The following TENM3 variants were observed in gnomAD, a reference collection of about 807,000 sequenced individuals.
TENM3 encodes teneurin-3.
Under a neutral mutation model 255.1 loss-of-function variants are expected in TENM3, and 63 were observed. The ratio of observed to expected loss-of-function variants is 0.25; its 90% CI spans 0.20 to 0.30. The LOEUF is 0.30. TENM3 is among the 10% of genes least tolerant of loss of function. TENM3 has a pLI of 1.00. For missense variants in TENM3, 2,929 were observed against 3,461.1 expected (o/e 0.85, Z 3.86); for synonymous variants, 1,306 against 1,322.3 (o/e 0.99, Z 0.27).
chr4:182,267,334 G>T (rs1051235049), intron 1 of TENM3, among the ~76,000 whole-genome samples: 2 of 152,122 alleles, frequency 1.3e-5, no homozygotes, highest in Non-Finnish European at 2.9e-5. Flanking sequence ...ATAATTATTT[G>T]CATAGGTACA....
intron 3 of TENM3, among the ~76,000 whole-genome samples, chr4:182,463,838 G>C (rs1462807075): frequency 6.6e-6 from 1 of 151,974 alleles, no homozygotes; most frequent in East Asian, 1.9e-4. Context: ...GGTCAGGCTG[G>C]TCTCGAACTC....
rs1768799051 is a variant in TENM3 at position 182,396,231 on chromosome 4, C to A, written c.511+49302C>A. On this transcript the variant is annotated intron_variant, in intron 3 of 27. Coordinates refer to ENST00000511685, the MANE Select transcript of TENM3 (RefSeq NM_001080477.4). ...CATTCATCTCTGGCTTCCTTCCAGG[C>A]TGCCCCTGTCTTTCTGGATGAGGCT... Among the ~76,000 whole-genome samples, 3 of 152,318 alleles carry A rather than the reference C, an allele frequency of 2.0e-5. No individual in the cohort carries two copies. The South Asian group carries it at 6.2e-4, about 32-fold the overall frequency.
chr4:182,538,304 A>G (rs1740537400), intron 3 of TENM3, among the ~76,000 whole-genome samples: 1 of 152,190 alleles, frequency 6.6e-6, no homozygotes, highest in Admixed American at 6.5e-5. Flanking sequence ...GGAGTTTACA[A>G]GCTAACAAGG....
At chr4:181,449,621 T>C in the TENM3 span, among the ~76,000 whole-genome samples, 1 of 151,952 alleles carries the variant, frequency 6.6e-6, no homozygotes, top group Non-Finnish European at 1.5e-5. Flanking sequence ...CCATCTCTAC[T>C]AAAAATACAA....
intron 1 of TENM3, among the ~76,000 whole-genome samples, chr4:182,183,342 T>C (rs1180800672): frequency 1.3e-5 from 2 of 152,148 alleles, no homozygotes; most frequent in African/African-American, 4.8e-5. Flanking sequence ...TAGAAGATGT[T>C]CCACTGTTTA....
chr4:182,053,883 CAACT>C, the TENM3 span, among the ~76,000 whole-genome samples: 1 of 152,112 alleles, frequency 6.6e-6, no homozygotes, highest in South Asian at 2.1e-4. Context: ...ACAGCTCAAC[CAACT>C]CTCTCTGGGG....
At chr4:182,367,724 A>C (rs1766526636) in intron 3 of TENM3, among the ~76,000 whole-genome samples, 1 of 152,216 alleles carries the variant, frequency 6.6e-6, no homozygotes, top group East Asian at 1.9e-4. Flanking sequence ...GTCATATTGC[A>C]GGAGAGTTGA....
At chr4:182,525,738 TGCCTCTTTGTCAGTTAACA>T (rs1443718438) in intron 3 of TENM3, among the ~76,000 whole-genome samples, 3 of 152,186 alleles carry the variant, frequency 2.0e-5, no homozygotes, top group Admixed American at 6.5e-5. Context: ...TCAAATTACT[TGCCTCTTTGTCAGTTAACA>T]GCATTGTTTG....
At chr4:182,437,184 C>T (rs1373462474) in intron 3 of TENM3, among the ~76,000 whole-genome samples, 3 of 152,146 alleles carry the variant, frequency 2.0e-5, no homozygotes, top group Non-Finnish European at 4.4e-5. Context: ...TTCTCTAAAT[C>T]GTATATGCAT....
the TENM3 span, among the ~76,000 whole-genome samples, chr4:181,844,484 C>T: frequency 1.3e-5 from 2 of 151,932 alleles, no homozygotes; most frequent in South Asian, 4.2e-4. Flanking sequence ...TTGGCTAACA[C>T]GGTGAAACCC....
At chr4:181,900,480 G>C in the TENM3 span, among the ~76,000 whole-genome samples, 1 of 152,020 alleles carries the variant, frequency 6.6e-6, no homozygotes, top group African/African-American at 2.4e-5. Flanking sequence ...GTTCCAATAC[G>C]TATATTTGTT....
chr4:182,774,895 G>C (rs1313186694), intron 23 of TENM3, 23 bp from the exon 24 acceptor site: 2 of 1,545,478 alleles, frequency 1.3e-6, no homozygotes, highest in Non-Finnish European at 8.9e-7. Context: ...AATAGTTCAT[G>C]TTTTGTGCTT....
chr4:181,689,852 C>G, the TENM3 span, among the ~76,000 whole-genome samples: 1 of 152,044 alleles, frequency 6.6e-6, no homozygotes, highest in Non-Finnish European at 1.5e-5. Context: ...CGGATACATC[C>G]CCCTACCACA....
At chr4:182,289,967 C>T (rs1427504823) in intron 1 of TENM3, among the ~76,000 whole-genome samples, 1 of 152,156 alleles carries the variant, frequency 6.6e-6, no homozygotes, top group Non-Finnish European at 1.5e-5. Flanking sequence ...CCTCATTCCT[C>T]TGTCTGGGAC....
chr4:181,861,643 A>G, the TENM3 span, among the ~76,000 whole-genome samples: 10 of 152,162 alleles, frequency 6.6e-5, no homozygotes, highest in South Asian at 4.1e-4. Context: ...CAAAATGGCT[A>G]TAATATACCC....
intron 4 of TENM3, among the ~76,000 whole-genome samples, chr4:182,601,977 G>T (rs764210245): frequency 3.9e-5 from 6 of 152,184 alleles, no homozygotes; most frequent in Non-Finnish European, 5.9e-5. Context: ...AGGACTTCTC[G>T]CAAAGGCTGG....
At chr4:181,754,283 G>GTCTC in the TENM3 span, among the ~76,000 whole-genome samples, 1 of 45,224 alleles carries the variant, frequency 2.2e-5, no homozygotes, top group African/African-American at 6.3e-5. Context: ...CTATATCCCA[G>GTCTC]TCACACACAC....
the TENM3 span, among the ~76,000 whole-genome samples, chr4:181,470,119 A>AC: frequency 7.9e-6 from 1 of 126,648 alleles, no homozygotes; most frequent in South Asian, 2.7e-4. Flanking sequence ...AAAAAAAAAA[A>AC]AAAAAACATT....
chr4:182,719,261 T>TC (rs1759472528), intron 13 of TENM3, among the ~76,000 whole-genome samples: 1 of 127,102 alleles, frequency 7.9e-6, no homozygotes, highest in African/African-American at 3.1e-5. Context: ...TCTTTTTTTT[T>TC]TTTTTTTTTT....
Sources: gnomAD v4.1 joint callset for allele counts (sites outside exome capture counted in the v4.1 genomes callset) on GRCh38, gnomAD v4.1.1 for gene constraint, MANE v1.5 for transcripts, NCBI Gene and HGNC (gene_info 2026-07-23, HGNC 2026-07-21) for gene names.